CDH18: variants seen among roughly 807,000 people sequenced by gnomAD.
CDH18 encodes cadherin 18.
CDH18 carries 31 observed loss-of-function variants against 67.9 expected under a neutral mutation model. The ratio of observed to expected loss-of-function variants is 0.46; its 90% confidence interval spans 0.34 to 0.62. CDH18 has a LOEUF of 0.62. Among genes scored for constraint, CDH18 ranks in the 20% least tolerant of loss-of-function variants. CDH18 has a pLI of 0.01. For missense variants in CDH18, 890 were observed against 975.5 expected (o/e 0.91, Z 1.17); for synonymous variants, 362 against 347.2 (o/e 1.04, Z -0.48).
At chr5:20,084,424 G>C (rs1240680852) in intron 2 of CDH18, among the ~76,000 whole-genome samples, 2 of 152,196 alleles carry the variant, frequency 1.3e-5, no homozygotes, top group Admixed American at 6.5e-5. Flanking sequence ...GGCTGGTCTT[G>C]AGTGTCTGCA....
At chr5:20,143,466 C>G (rs1044767410) in intron 2 of CDH18, among the ~76,000 whole-genome samples, 4 of 152,060 alleles carry the variant, frequency 2.6e-5, no homozygotes, top group African/African-American at 9.7e-5. Flanking sequence ...CTCCTGGGCT[C>G]AAGTGATCCT....
At chr5:20,296,306 T>A (rs1470805123) in intron 1 of CDH18, among the ~76,000 whole-genome samples, 1 of 151,474 alleles carries the variant, frequency 6.6e-6, no homozygotes, top group Non-Finnish European at 1.5e-5. Flanking sequence ...CAGGCTGGAG[T>A]GCAGTGGCGC....
intron 1 of CDH18, among the ~76,000 whole-genome samples, chr5:20,409,515 A>C (rs1746587676): frequency 6.6e-6 from 1 of 151,764 alleles, no homozygotes; most frequent in Non-Finnish European, 1.5e-5. Context: ...GATGTTGTAA[A>C]AGCAGTACTA....
chr5:19,955,166 C>A (rs544496374), intron 2 of CDH18, among the ~76,000 whole-genome samples: 1 of 152,062 alleles, frequency 6.6e-6, no homozygotes, highest in African/African-American at 2.4e-5. Context: ...CCCCTTCCAC[C>A]ATGATTGTAA....
intron 1 of CDH18, among the ~76,000 whole-genome samples, chr5:20,355,464 C>T (rs1741534913): frequency 6.6e-6 from 1 of 152,148 alleles, no homozygotes; most frequent in Non-Finnish European, 1.5e-5. Flanking sequence ...GTACAATACC[C>T]TGCTTGAAAG....
intron 5 of CDH18, among the ~76,000 whole-genome samples, chr5:19,665,413 A>C (rs1185565227): frequency 6.6e-6 from 1 of 152,030 alleles, no homozygotes; most frequent in Non-Finnish European, 1.5e-5. Context: ...CTCCATGCTC[A>C]GTGTTAATTT....
At chr5:20,443,756 T>A (rs747028871) in intron 1 of CDH18, among the ~76,000 whole-genome samples, 20 of 151,944 alleles carry the variant, frequency 1.3e-4, no homozygotes, top group Admixed American at 2.6e-4. Context: ...ACTTGGGTAA[T>A]CATTTCTCTA....
chr5:20,419,917 C>T (rs1252978021), intron 1 of CDH18, among the ~76,000 whole-genome samples: 2 of 150,906 alleles, frequency 1.3e-5, no homozygotes, highest in East Asian at 1.9e-4. Flanking sequence ...TCAGAAAAAA[C>T]GACAGATTTC....
intron 1 of CDH18, among the ~76,000 whole-genome samples, chr5:20,524,529 G>A (rs756969555): frequency 3.3e-5 from 5 of 151,920 alleles, no homozygotes; most frequent in Admixed American, 6.6e-5. Context: ...TAATATATCA[G>A]GAGACAATAC....
At chr5:20,042,957 G>A (rs1229346357) in intron 2 of CDH18, among the ~76,000 whole-genome samples, 14 of 151,442 alleles carry the variant, frequency 9.2e-5, no homozygotes, top group Admixed American at 4.6e-4. Context: ...GCCAGACTCC[G>A]TCTCAAAAAA....
intron 2 of CDH18, among the ~76,000 whole-genome samples, chr5:19,897,425 C>T (rs1022734011): frequency 2.6e-5 from 4 of 152,086 alleles, no homozygotes; most frequent in African/African-American, 4.8e-5. Flanking sequence ...ACACATAATA[C>T]TATACATTAG....
intron 2 of CDH18, among the ~76,000 whole-genome samples, chr5:19,998,171 G>A (rs1358045118): frequency 6.6e-6 from 1 of 152,072 alleles, no homozygotes; most frequent in African/African-American, 2.4e-5. Context: ...CCAAGCTTAG[G>A]GGAGTAAAAT....
At chr5:20,475,496 T>C (rs188553431) in intron 1 of CDH18, among the ~76,000 whole-genome samples, 50 of 152,318 alleles carry the variant, frequency 3.3e-4, no homozygotes, top group African/African-American at 1.1e-3. Context: ...TATTCATACG[T>C]TGGTAGCTTT....
At chr5:20,342,853 G>C (rs1042701250) in intron 1 of CDH18, among the ~76,000 whole-genome samples, 4 of 152,152 alleles carry the variant, frequency 2.6e-5, no homozygotes, top group Non-Finnish European at 5.9e-5. Flanking sequence ...TTAGTGTAGA[G>C]TAAGGGATTC....
At chr5:19,657,231 G>A (rs933935723) in intron 5 of CDH18, among the ~76,000 whole-genome samples, 4 of 151,594 alleles carry the variant, frequency 2.6e-5, no homozygotes, top group South Asian at 2.1e-4. Context: ...CACTTGGGAG[G>A]GAATGTGATA....
chr5:20,474,729 C>T (rs1219890272), intron 1 of CDH18, among the ~76,000 whole-genome samples: 2 of 152,206 alleles, frequency 1.3e-5, no homozygotes, highest in Non-Finnish European at 2.9e-5. Context: ...GATTTTGAGA[C>T]CATTTGCCAT....
At chr5:20,427,331 GAAAC>G (rs2150169470) in intron 1 of CDH18, among the ~76,000 whole-genome samples, 1 of 151,068 alleles carries the variant, frequency 6.6e-6, no homozygotes, top group Non-Finnish European at 1.5e-5. Context: ...ATTTTACAAA[GAAAC>G]AAATATTTGA....
chr5:20,273,440 T>C (rs1365069144), intron 1 of CDH18, among the ~76,000 whole-genome samples: 1 of 151,980 alleles, frequency 6.6e-6, no homozygotes, highest in Admixed American at 6.6e-5. Flanking sequence ...AGAAGCAATA[T>C]GAAATGGTTC....
intron 1 of CDH18, among the ~76,000 whole-genome samples, chr5:20,452,253 C>T (rs1421648384): frequency 2.0e-5 from 3 of 152,106 alleles, no homozygotes; most frequent in Non-Finnish European, 1.5e-5. Context: ...TTCTTCAGCA[C>T]ATTAAACAAA....
Sources: allele counts gnomAD v4.1 joint callset (sites outside exome capture counted in the v4.1 genomes callset), GRCh38; gene constraint gnomAD v4.1.1; transcripts MANE v1.5; gene names NCBI Gene and HGNC (gene_info 2026-07-23, HGNC 2026-07-21).